BBOX1: variants seen among roughly 807,000 people sequenced by gnomAD.
BBOX1 encodes the protein gamma-butyrobetaine dioxygenase.
A neutral mutation model predicts 41.6 loss-of-function variants in BBOX1; 35 were observed. The observed-to-expected ratio is 0.84, with a 90% CI of 0.64 to 1.11. The LOEUF (loss-of-function observed/expected upper bound fraction) is 1.11, where lower values mean the gene tolerates loss of function less well. Among genes scored for constraint, BBOX1 ranks in the 50% most tolerant of loss-of-function variants. The probability of loss-of-function intolerance (pLI) is 0.00; values close to 1 mark genes in which losing one functional copy is unlikely to be tolerated. For missense variants in BBOX1, 458 were observed against 460.6 expected, an observed-to-expected ratio of 0.99 and a Z score of 0.05; for synonymous variants, 163 against 154.7, an observed-to-expected ratio of 1.05 and a Z score of -0.40.
intron 5 of BBOX1, among the ~76,000 whole-genome samples, chr11:27,100,700 G>T (rs1858616117): frequency 1.3e-5 from 2 of 152,110 alleles, no homozygotes; most frequent in South Asian, 4.1e-4. Flanking sequence ...AATTAATACT[G>T]CTGCCAACAA....
intron 2 of BBOX1, 65 bp from the exon 3 acceptor site, chr11:27,055,328 C>T (rs1856944456): frequency 1.7e-6 from 2 of 1,161,798 alleles, no homozygotes; most frequent in African/African-American, 1.5e-5. Flanking sequence ...GAAGTGTTCA[C>T]ACTCTCAGAG....
intron 4 of BBOX1, among the ~76,000 whole-genome samples, chr11:27,080,335 T>C (rs552079361): frequency 6.6e-6 from 1 of 152,222 alleles, no homozygotes; most frequent in South Asian, 2.1e-4. Flanking sequence ...CTACCATTAC[T>C]ACACTGAATG....
At chr11:27,043,476 T>TTTGGGGTACATGTGCAGA (rs1851402599) in intron 2 of BBOX1, among the ~76,000 whole-genome samples, 8 of 152,112 alleles carry the variant, frequency 5.3e-5, no homozygotes, top group South Asian at 2.1e-4. Context: ...AATGTGCAGG[T>TTTGGGGTACATGTGCAGA]ATACACATGC....
intron 5 of BBOX1, among the ~76,000 whole-genome samples, chr11:27,095,373 C>G (rs144445440): frequency 1.5e-5 from 2 of 132,172 alleles, no homozygotes; most frequent in Admixed American, 6.9e-5. Flanking sequence ...TGATTTATTA[C>G]GTGTGTTGTT....
In BBOX1 at chr11:27,055,519, C is replaced by T; in HGVS notation, c.89C>T (p.Pro30Leu). 6.2e-7 allele frequency: 1 copy of T among 1,614,150 alleles called. No individual in the cohort carries two copies. The highest frequency in any genetic ancestry group is 8.5e-7 in the Non-Finnish European group (1 of 1,180,010). ...LWYDEEESLYPAVWLRDNCPC... is the reference protein window; with the variant it reads ...LWYDEEESLYLAVWLRDNCPC... Reference sequence around the variant, plus strand: ...TATGATGAGGAAGAGTCTCTCTACCCAGCTGTATGGTTGAGAGACAACTGT... The same window carrying T: ...TATGATGAGGAAGAGTCTCTCTACCTAGCTGTATGGTTGAGAGACAACTGT... Residue 30 changes from proline to leucine, a missense_variant, in exon 3 of 9, where the codon CCA (proline) becomes CTA (leucine). By Grantham distance (98) the Pro-to-Leu change is moderately conservative. Transcript: ENST00000263182.
chr11:27,059,932 C>A lies in BBOX1; in HGVS notation c.334+2617C>A, dbSNP rs1389936910. On this transcript the variant is annotated intron_variant, in intron 4 of 8. Transcript: ENST00000263182. ...AGGCTTATGGGTGGCAGAGACTTAC[C>A]CTGTCTTAGATGAAACTTTAAACTT... Among the ~76,000 whole-genome samples the A allele has an allele frequency of 3.9e-5, 6 of 152,112 alleles. 1 individual carries two copies. The highest frequency in any genetic ancestry group is 8.8e-5 in the Non-Finnish European group (6 of 68,026).
At chr11:27,105,122 C>A (rs1401616436) in intron 5 of BBOX1, among the ~76,000 whole-genome samples, 2 of 152,084 alleles carry the variant, frequency 1.3e-5, no homozygotes, top group Non-Finnish European at 2.9e-5. Flanking sequence ...AAAGGTAGAT[C>A]AAACCACAAA....
chr11:27,120,300 T>C (rs1170936279), intron 7 of BBOX1, among the ~76,000 whole-genome samples: 1 of 152,176 alleles, frequency 6.6e-6, no homozygotes, highest in Non-Finnish European at 1.5e-5. Flanking sequence ...TTCATTTTCC[T>C]TACAGCTAGT....
chr11:27,097,056 A>G (rs768165817), intron 5 of BBOX1, among the ~76,000 whole-genome samples: 13 of 152,060 alleles, frequency 8.5e-5, no homozygotes, highest in Non-Finnish European at 1.9e-4. Flanking sequence ...TTCCTAGGAC[A>G]AAAGAATAAG....
intron 2 of BBOX1, among the ~76,000 whole-genome samples, chr11:27,054,226 TGTG>T: frequency 1.3e-5 from 2 of 151,248 alleles, no homozygotes; most frequent in South Asian, 4.2e-4. Flanking sequence ...TGTGTGTGTG[TGTG>T]TGTGTGCGTG....
chr11:27,101,895 A>G (rs1281133779), intron 5 of BBOX1, among the ~76,000 whole-genome samples: 1 of 152,144 alleles, frequency 6.6e-6, no homozygotes, highest in East Asian at 1.9e-4. Flanking sequence ...TATATGATAC[A>G]TTATTATCAA....
At chr11:27,043,578 T>C (rs1371427018) in intron 2 of BBOX1, among the ~76,000 whole-genome samples, 2 of 152,052 alleles carry the variant, frequency 1.3e-5, no homozygotes, top group Non-Finnish European at 2.9e-5. Flanking sequence ...TTTCTCCTAA[T>C]GGTATCCCTC....
intron 4 of BBOX1, among the ~76,000 whole-genome samples, chr11:27,064,748 A>G (rs1857230367): frequency 6.6e-6 from 1 of 152,092 alleles, no homozygotes; most frequent in African/African-American, 2.4e-5. Flanking sequence ...AGTGGCAGCG[A>G]CTAGGCTTGC....
intron 4 of BBOX1, among the ~76,000 whole-genome samples, chr11:27,058,448 G>T (rs143866317): frequency 0.011 from 1,633 of 152,324 alleles, 13 homozygotes; most frequent in Non-Finnish European, 0.017. Context: ...AAATTTAGAA[G>T]CAGCTTTGGA....
intron 6 of BBOX1, 68 bp downstream of exon 6, chr11:27,115,625 T>C (rs1056102822): frequency 2.9e-6 from 4 of 1,371,082 alleles, no homozygotes; most frequent in Non-Finnish European, 4.0e-6. Context: ...ATTTTGAGTC[T>C]AGAAGATTAC....
Position 27,127,462 on chromosome 11 carries a change from G to T in BBOX1, c.*9G>T, listed in dbSNP as rs745379289. 1 of 1,591,342 alleles carries T rather than the reference G, an allele frequency of 6.3e-7. No homozygotes were observed. Among genetic ancestry groups the T allele is most frequent in the Middle Eastern group, 1.7e-4 (1 of 5,956 alleles). ...TGGAGAATGGAAACTGAAGTCACCT[G>T]TAGATAATTTTAATAAGATTCCAAT... On this transcript the variant is annotated 3_prime_UTR_variant, in exon 9 of 9. Transcript: ENST00000263182.
chr11:27,061,874 C>T (rs370260782), intron 4 of BBOX1, among the ~76,000 whole-genome samples: 17 of 152,246 alleles, frequency 1.1e-4, no homozygotes, highest in African/African-American at 3.9e-4. Flanking sequence ...CTATTTTGTG[C>T]CAGGACCTCT....
chr11:27,057,757 G>T (rs769000680), intron 4 of BBOX1, among the ~76,000 whole-genome samples: 2 of 152,014 alleles, frequency 1.3e-5, no homozygotes, highest in African/African-American at 2.4e-5. Flanking sequence ...CCCATGAAAC[G>T]GTACGCATAG....
chr11:27,060,089 C>T (rs1857096187), intron 4 of BBOX1, among the ~76,000 whole-genome samples: 1 of 152,102 alleles, frequency 6.6e-6, no homozygotes, highest in Non-Finnish European at 1.5e-5. Context: ...TTTGCATGTT[C>T]CACCCAAATC....
Sources: allele counts gnomAD v4.1 joint callset (sites outside exome capture counted in the v4.1 genomes callset), GRCh38; gene constraint gnomAD v4.1.1; transcripts MANE v1.5; gene names NCBI Gene and HGNC (gene_info 2026-07-23, HGNC 2026-07-21).